Variants in PAK3 observed in about 807,000 individuals in gnomAD.
PAK3 encodes p21 (RAC1) activated kinase 3.
In PAK3, 4 loss-of-function variants were observed where a neutral mutation model predicts 41.0. The ratio of observed to expected loss-of-function variants is 0.10; its 90% CI spans 0.05 to 0.22. The LOEUF is 0.22. Ranked by LOEUF, PAK3 falls within the 10% of genes least tolerant of loss-of-function variation. PAK3 has a pLI of 1.00. For missense variants in PAK3, 205 were observed against 409.9 expected, an observed-to-expected ratio of 0.50 and a Z score of 4.32; for synonymous variants, 146 against 139.6, an observed-to-expected ratio of 1.05 and a Z score of -0.32.
intron 13 of PAK3, 21 bp downstream of exon 13, chrX:111,192,639 T>G (rs775129205): frequency 2.8e-6 from 2 of 723,534 alleles, no homozygotes; most frequent in African/African-American, 2.1e-5. Context: ...TGTCTTATTA[T>G]GTACTTATAT....
rs1265925413 is a variant in PAK3, at chrX:111,123,223, A to G, written c.120A>G (p.Glu40=). Residue 40 remains glutamate (E), a synonymous_variant, in exon 5 of 18, where the codon GAA becomes GAG. Coordinates refer to ENST00000372007, the MANE Select transcript of PAK3 (RefSeq NM_002578.5). ...CCAAACCACTTCCCATGGCCCCTGAAGAGAAGAATAAGAAAGCCAGGCTTC... is the reference window on the plus strand; with the variant it reads ...CCAAACCACTTCCCATGGCCCCTGAGGAGAAGAATAAGAAAGCCAGGCTTC... The part of the protein sequence containing the change: ...HSSKPLPMAP[E]EKNKKARLRS... 8.3e-7 allele frequency: 1 copy of G among 1,208,231 alleles called. No homozygotes were observed. The highest frequency in any genetic ancestry group is 1.7e-5 in the African/African-American group (1 of 57,337).
intron 1 of PAK3, among the ~76,000 whole-genome samples, chrX:110,987,244 C>T (rs754128868): frequency 1.7e-4 from 19 of 112,543 alleles, no homozygotes; most frequent in African/African-American, 6.1e-4. Context: ...AAGCTTCTTA[C>T]AAATTGCATG....
intron 11 of PAK3, among the ~76,000 whole-genome samples, chrX:111,180,907 T>C (rs2094455407): frequency 8.9e-6 from 1 of 111,987 alleles, no homozygotes; most frequent in Non-Finnish European, 1.9e-5. Context: ...AAAGTTATCA[T>C]TAGAATAGAT....
chrX:111,074,328 C>G (rs1236161854), intron 1 of PAK3, among the ~76,000 whole-genome samples: 1 of 110,870 alleles, frequency 9.0e-6, no homozygotes, highest in Non-Finnish European at 1.9e-5. Flanking sequence ...TAGCACCAAC[C>G]CTTTGGTGAT....
rs1386040337 is a variant in PAK3, at chrX:111,191,645, C to T, written c.831-482C>T. ...TACTAAAAGGGAAGGTTAATTTATA[C>T]TTGCCTAAGCAAAAGATGATATATT... On this transcript the variant is annotated intron_variant, in intron 11 of 17. Coordinates refer to ENST00000372007, the MANE Select transcript of PAK3 (RefSeq NM_002578.5). Among the ~76,000 whole-genome samples, 4 of 112,148 alleles carry T rather than the reference C, an allele frequency of 3.6e-5. No homozygotes were observed. In the East Asian group the frequency reaches 1.1e-3, roughly 31 times the overall value.
chrX:111,083,962 A>G (rs757182225), intron 1 of PAK3, among the ~76,000 whole-genome samples: 1 of 112,753 alleles, frequency 8.9e-6, no homozygotes, highest in South Asian at 3.7e-4. Flanking sequence ...GCAAGCACTG[A>G]TCTTATTTAT....
At chrX:111,101,496 G>A (rs764106673) in intron 3 of PAK3, among the ~76,000 whole-genome samples, 19 of 112,045 alleles carry the variant, frequency 1.7e-4, no homozygotes, top group African/African-American at 6.2e-4. Context: ...CTAAAACATG[G>A]AGGTTCTTGG....
Position 111,152,421 on chromosome X carries a change from C to A in PAK3, c.442C>A (p.His148Asn). ...MSFTSGDKSAHGYIAAHPSST... is the reference protein window; with the variant it reads ...MSFTSGDKSANGYIAAHPSST... ...TTCTCACTTTGCAGATAAAAGTGCA[C>A]ATGGATACATAGCAGCCCATCCTTC... The change falls in exon 8 of 18, where the codon CAT becomes AAT. Residue 148 changes from histidine to asparagine, a missense_variant. Transcript: ENST00000372007. 2 of 1,175,869 alleles carry A rather than the reference C, an allele frequency of 1.7e-6. No individual in the cohort carries two copies. The highest frequency in any genetic ancestry group is 2.3e-6 in the Non-Finnish European group (2 of 863,553).
At chrX:111,077,861 C>A (rs999529421) in intron 1 of PAK3, among the ~76,000 whole-genome samples, 3 of 111,568 alleles carry the variant, frequency 2.7e-5, no homozygotes, top group African/African-American at 6.5e-5. Context: ...AACACAGTGA[C>A]GAGACACCCT....
At chrX:111,156,542 A>G (rs986760737) in intron 8 of PAK3, among the ~76,000 whole-genome samples, 33 of 111,986 alleles carry the variant, frequency 2.9e-4, no homozygotes, top group African/African-American at 1.1e-3. Context: ...TATGCTTCGC[A>G]ATGTGTATGT....
intron 6 of PAK3, among the ~76,000 whole-genome samples, chrX:111,144,035 A>G (rs938684887): frequency 3.6e-5 from 4 of 111,432 alleles, no homozygotes; most frequent in Non-Finnish European, 5.7e-5. Context: ...TAGCTCTTTC[A>G]TTTATCATTC....
chrX:111,043,614 C>A, intron 1 of PAK3, among the ~76,000 whole-genome samples: 1 of 112,199 alleles, frequency 8.9e-6, no homozygotes, highest in Non-Finnish European at 1.9e-5. Flanking sequence ...ATAAAGTTAT[C>A]TTTCTTCAGA....
intron 1 of PAK3, among the ~76,000 whole-genome samples, chrX:111,030,478 A>G (rs923944673): frequency 8.9e-6 from 1 of 112,297 alleles, no homozygotes; most frequent in Non-Finnish European, 1.9e-5. Flanking sequence ...GAGAGACTAC[A>G]TTAATTGTGG....
rs1030160391 is a variant in PAK3 at position 111,070,114 on chromosome X, A to C, written c.-27-52963A>C. The stretch of plus-strand genomic sequence containing the variant: ...ATGGGTACAAGGTAATCCTGAGACA[A>C]AACAAACAAACAAACAAACAAACAA... On this transcript the variant is annotated intron_variant, in intron 1 of 14. Coordinates refer to the PAK3 transcript ENST00000425146. 3.6e-5 allele frequency among the ~76,000 whole-genome samples: 4 copies of C among 109,664 alleles called. No homozygotes were observed. In the East Asian group the frequency reaches 1.1e-3, roughly 31 times the overall value.
In PAK3 at chrX:111,129,023, TA is replaced by T. The variant is rs758364937; in HGVS notation, c.175+5747del. 4.2e-4 allele frequency among the ~76,000 whole-genome samples: 47 copies of T among 111,521 alleles called. 2 individuals are homozygous for T. The highest frequency in any genetic ancestry group is 7.5e-5 in the Non-Finnish European group (4 of 53,015). On this transcript the variant is annotated intron_variant, in intron 5 of 17. Coordinates refer to ENST00000372007, the MANE Select transcript of PAK3 (RefSeq NM_002578.5). ...TTATTGTATTGAATATATATTGTTC[TA>T]ATTCCTAGAGTATGTCATCTTCTAT...
At chrX:111,119,215 A>G (rs1603261975) in intron 4 of PAK3, among the ~76,000 whole-genome samples, 1 of 112,299 alleles carries the variant, frequency 8.9e-6, no homozygotes, top group Non-Finnish European at 1.9e-5. Flanking sequence ...AAGTGTAATT[A>G]CAGAGCATTG....
intron 1 of PAK3, among the ~76,000 whole-genome samples, chrX:110,999,630 T>C (rs1481070792): frequency 9.3e-6 from 1 of 107,986 alleles, no homozygotes; most frequent in African/African-American, 3.4e-5. Context: ...TTGGGTTTTA[T>C]TGGGGGAGTG....
chrX:111,104,145 C>T (rs2093205647), intron 4 of PAK3, among the ~76,000 whole-genome samples: 1 of 111,220 alleles, frequency 9.0e-6, no homozygotes, highest in Non-Finnish European at 1.9e-5. Context: ...GTTTTTTTGT[C>T]TGCCTTTCAG....
intron 1 of PAK3, among the ~76,000 whole-genome samples, chrX:110,955,743 G>A (rs1300796720): frequency 1.8e-5 from 2 of 111,998 alleles, no homozygotes. Context: ...GCCTCTTTAG[G>A]CCTCAGTTCT....
Sources: allele counts gnomAD v4.1 joint callset (sites outside exome capture counted in the v4.1 genomes callset), GRCh38; gene constraint gnomAD v4.1.1; transcripts MANE v1.5; gene names NCBI Gene and HGNC (gene_info 2026-07-23, HGNC 2026-07-21).